PTPN21: variants seen among roughly 807,000 people sequenced by gnomAD.
PTPN21 encodes protein tyrosine phosphatase non-receptor type 21, also known as tyrosine-protein phosphatase non-receptor type 21.
PTPN21 carries 77 observed loss-of-function variants against 131.8 expected under a neutral mutation model. The ratio of observed to expected loss-of-function variants is 0.58; its 90% CI spans 0.49 to 0.71. PTPN21 has a LOEUF of 0.71. Among genes scored for constraint, PTPN21 ranks in the 30% least tolerant of loss-of-function variants. The probability of loss-of-function intolerance (pLI) is 0.00; values close to 1 mark genes in which losing one functional copy is unlikely to be tolerated. For synonymous variants in PTPN21, 715 were observed against 621.3 expected (o/e 1.15, Z -2.24); for missense variants, 1,552 against 1,527.1 (o/e 1.02, Z -0.27).
intron 15 of PTPN21, among the ~76,000 whole-genome samples, chr14:88,470,687 A>G (rs2077448595): frequency 6.6e-6 from 1 of 152,232 alleles, no homozygotes; most frequent in African/African-American, 2.4e-5. Context: ...CTTGTGCCAC[A>G]CGCACTCTCA....
At chr14:88,470,154 A>G in intron 15 of PTPN21, 104 bp from the exon 16 acceptor site, 1 of 1,010,354 alleles carries the variant, frequency 9.9e-7, no homozygotes, top group Non-Finnish European at 1.4e-6. Flanking sequence ...TAAAAAAGTA[A>G]AAAGTAAAAA....
Position 88,501,294 on chromosome 14 carries a change from C to CTCTT in PTPN21, c.661_662insAAGA (p.Ser221LysfsTer6). 6.2e-7 allele frequency: 1 copy of CTCTT among 1,613,362 alleles called. No individual in the cohort carries two copies. Among genetic ancestry groups the CTCTT allele is most frequent in the Non-Finnish European group, 8.5e-7 (1 of 1,179,260 alleles). ...AGCCACACTTACCTTAGCAGGGTAG[C>CTCTT]TCTCTTCTCCATAGCCATCCATTCT... On this transcript the variant is annotated frameshift_variant, in exon 7 of 19. Transcript: ENST00000556564. LOFTEE classifies it high-confidence loss of function.
chr14:88,496,569 A>C (rs776350475), intron 9 of PTPN21, 77 bp from the exon 10 acceptor site: 4 of 1,110,788 alleles, frequency 3.6e-6, no homozygotes, highest in Non-Finnish European at 5.5e-6. Context: ...GTTTGTCTAA[A>C]GACATAATGG....
At position 88,509,574 on chromosome 14, in the gene PTPN21, G is replaced by T. The variant is rs116411606; in HGVS notation, c.351-1554C>A. 5.9e-3 allele frequency among the ~76,000 whole-genome samples: 903 copies of T among 152,284 alleles called. 11 individuals carry two copies. Among genetic ancestry groups the T allele is most frequent in the African/African-American group, 0.021 (870 of 41,560 alleles). Reference sequence around the variant, plus strand: ...ATGGATTTCCCTCTATAGCTAATGGGATGCTGGCAGTTCTGGGATCCACCA... The same window carrying T: ...ATGGATTTCCCTCTATAGCTAATGGTATGCTGGCAGTTCTGGGATCCACCA... On this transcript the variant is annotated intron_variant, in intron 3 of 18. Transcript: ENST00000556564.
chr14:88,522,721 C>T (rs974116820), intron 2 of PTPN21, among the ~76,000 whole-genome samples: 1 of 152,078 alleles, frequency 6.6e-6, no homozygotes, highest in South Asian at 2.1e-4. Flanking sequence ...AAAATTGCTG[C>T]TAGAAATGTT....
chr14:88,552,044 C>G (rs987491603), intron 1 of PTPN21: 1 of 152,316 alleles, frequency 6.6e-6, no homozygotes, highest in African/African-American at 2.4e-5. Flanking sequence ...CCAGCCATAG[C>G]TGGCTACGCT....
At chr14:88,477,446 T>TAA (rs59381948) in intron 13 of PTPN21, among the ~76,000 whole-genome samples, 1,502 of 76,080 alleles carry the variant, frequency 0.02, 60 homozygotes, top group Middle Eastern at 0.033. Context: ...AAGACTGTTC[T>TAA]AAAAAAAAAA....
At chr14:88,526,147 G>T (rs2078471225) in intron 2 of PTPN21, among the ~76,000 whole-genome samples, 1 of 152,108 alleles carries the variant, frequency 6.6e-6, no homozygotes, top group Non-Finnish European at 1.5e-5. Flanking sequence ...GGGAAGAATA[G>T]AGAATGACTG....
At position 88,505,472 on chromosome 14, in the gene PTPN21, T is replaced by C. The variant is rs1040298241; in HGVS notation, c.449-101A>G. 7.9e-5 allele frequency: 58 copies of C among 733,176 alleles called. 1 individual carries two copies. In the African/African-American group the frequency reaches 9.2e-4, roughly 12 times the overall value. 45.4% of individuals were successfully genotyped at this position (733,176 alleles called of 1,614,324 possible). The stretch of plus-strand genomic sequence containing the variant: ...GCAGTATATCTAGATGGTATGCTAA[T>C]ATTTCAGAAGTCAAATTTGTTATAG... On this transcript the variant is annotated intron_variant, in intron 4 of 18. Transcript: ENST00000556564.
chr14:88,479,354 A>G lies in PTPN21; in HGVS notation c.2077T>C (p.Leu693=). 1 of 1,612,794 alleles carries G rather than the reference A, an allele frequency of 6.2e-7. No individual in the cohort carries two copies. Among genetic ancestry groups the G allele is most frequent in the South Asian group, 1.1e-5 (1 of 91,058 alleles). Residue 693 remains leucine (L), a synonymous_variant, in exon 13 of 19, where the codon TTG becomes CTG. Coordinates refer to ENST00000556564, the MANE Select transcript of PTPN21 (RefSeq NM_007039.4). The stretch of plus-strand genomic sequence containing the variant: ...AGGGACTTCTTATGGCCGTACCTCA[A>G]GCCCTCCGCCTCCTCCGGCCCTTCT... ...QREGPEEAEG[L]RYGHKKSLSD...
intron 2 of PTPN21, among the ~76,000 whole-genome samples, chr14:88,528,147 A>G (rs746863434): frequency 8.5e-5 from 13 of 152,080 alleles, no homozygotes; most frequent in Non-Finnish European, 1.6e-4. Context: ...TTTTGGTTCC[A>G]TGTAAGTTTT....
In PTPN21 at chr14:88,533,706, G is replaced by C. The variant is rs193086280; in HGVS notation, c.181-16445C>G. ...AAGAACAGCCTGGGCAACATAGTGA[G>C]ACCCCATCACAACAAAAAATACAAA... On this transcript the variant is annotated intron_variant, in intron 2 of 18. Transcript: ENST00000556564. Among the ~76,000 whole-genome samples, 162 of 152,108 alleles carry C rather than the reference G, an allele frequency of 1.1e-3. 2 individuals carry two copies. The East Asian group carries it at 0.024, about 22-fold the overall frequency.
At chr14:88,546,396 T>TAAAA (rs34744168) in intron 2 of PTPN21, among the ~76,000 whole-genome samples, 1 of 142,120 alleles carries the variant, frequency 7.0e-6, no homozygotes. Flanking sequence ...CATCTCTACT[T>TAAAA]AAAAAAAAAA....
Position 88,518,157 on chromosome 14 carries a change from T to C in PTPN21, c.181-896A>G, listed in dbSNP as rs1344758461. On this transcript the variant is annotated intron_variant, in intron 2 of 18. Coordinates refer to ENST00000556564, the MANE Select transcript of PTPN21 (RefSeq NM_007039.4). ...ACAGATAGGTCTTACCTCCTTTTTTTCCTTCAGTTTTTGCTGTTGTTCTTC... is the reference window on the plus strand; with the variant it reads ...ACAGATAGGTCTTACCTCCTTTTTTCCCTTCAGTTTTTGCTGTTGTTCTTC... 3.0e-5 allele frequency among the ~76,000 whole-genome samples: 4 copies of C among 133,350 alleles called. No individual in the cohort carries two copies. The Admixed American group carries it at 3.2e-4, about 11-fold the overall frequency. The allele number at this position is 133,350 out of a possible 152,430, so 87.5% of individuals were successfully genotyped here.
At chr14:88,494,123 AG>A (rs559514594) in intron 10 of PTPN21, among the ~76,000 whole-genome samples, 1 of 152,162 alleles carries the variant, frequency 6.6e-6, no homozygotes, top group Non-Finnish European at 1.5e-5. Flanking sequence ...TCATAGTGGA[AG>A]GGGGGTACCA....
chr14:88,497,349 T>C (rs1231803478), intron 8 of PTPN21, 59 bp from the exon 9 acceptor site: 5 of 1,345,368 alleles, frequency 3.7e-6, no homozygotes, highest in African/African-American at 2.9e-5. Context: ...AACAAGGAGA[T>C]AGAATACACA....
At chr14:88,529,649 G>C (rs2078526590) in intron 2 of PTPN21, among the ~76,000 whole-genome samples, 1 of 151,974 alleles carries the variant, frequency 6.6e-6, no homozygotes, top group African/African-American at 2.4e-5. Flanking sequence ...CATCACCTAG[G>C]CACACAGTCA....
At chr14:88,474,160 A>AAAAAAT (rs2077515568) in intron 13 of PTPN21, among the ~76,000 whole-genome samples, 1 of 145,430 alleles carries the variant, frequency 6.9e-6, no homozygotes, top group Non-Finnish European at 1.5e-5. Context: ...AAAAAACAAA[A>AAAAAAT]GCTTTAAATG....
chr14:88,538,983 A>C (rs2078666815), intron 2 of PTPN21, among the ~76,000 whole-genome samples: 1 of 152,186 alleles, frequency 6.6e-6, no homozygotes, highest in Admixed American at 6.5e-5. Context: ...AGTCCCTTTA[A>C]ACAGTATAAA....
Sources: allele counts gnomAD v4.1 joint callset (sites outside exome capture counted in the v4.1 genomes callset), GRCh38; gene constraint gnomAD v4.1.1; transcripts MANE v1.5; gene names NCBI Gene and HGNC (gene_info 2026-07-23, HGNC 2026-07-21).